ANKLE2: variants seen among roughly 807,000 people sequenced by gnomAD.
ANKLE2 encodes ankyrin repeat and LEM domain containing 2, also known as ankyrin repeat and LEM domain-containing protein 2.
ANKLE2 carries 55 observed loss-of-function variants against 84.2 expected under a neutral mutation model. That is an observed-to-expected ratio of 0.65 (90% CI 0.53 to 0.82). The LOEUF (loss-of-function observed/expected upper bound fraction) is 0.82, where lower values mean the gene tolerates loss of function less well. Ranked by LOEUF, ANKLE2 falls within the 40% of genes least tolerant of loss-of-function variation. The pLI is 0.00. For missense variants in ANKLE2, 1,238 were observed against 1,201.9 expected (o/e 1.03, Z -0.44); for synonymous variants, 551 against 486.1 (o/e 1.13, Z -1.76).
chr12:132,748,451 C>T, intron 3 of ANKLE2, 120 bp from the exon 4 acceptor site: 3 of 1,147,340 alleles, frequency 2.6e-6, no homozygotes, highest in Non-Finnish European at 3.7e-6. Context: ...AACTGGGAGG[C>T]ACAGGTGAGA....
intron 1 of ANKLE2, chr12:132,757,813 A>T (rs1367567752): frequency 6.7e-6 from 1 of 150,292 alleles, no homozygotes; most frequent in Non-Finnish European, 1.5e-5. Flanking sequence ...ACAGAGCGAG[A>T]CTCCGTCTCA....
chr12:132,733,158 T>G (rs1437153504), intron 10 of ANKLE2, among the ~76,000 whole-genome samples: 1 of 144,598 alleles, frequency 6.9e-6, no homozygotes. Context: ...GTGTCTGATA[T>G]GCACCGTGTG....
rs561906417 is a variant in ANKLE2, at chr12:132,726,438, A to C, written c.*804T>G. 6.6e-6 allele frequency: 1 copy of C among 152,332 alleles called. No individual in the cohort carries two copies. Among genetic ancestry groups the C allele is most frequent in the South Asian group, 2.1e-4 (1 of 4,824 alleles). The allele number at this position is 152,332 out of a possible 1,614,324, so 9.4% of individuals were successfully genotyped here. On this transcript the variant is annotated 3_prime_UTR_variant, in exon 13 of 13. Coordinates refer to ENST00000357997, the MANE Select transcript of ANKLE2 (RefSeq NM_015114.3). Reference sequence around the variant, plus strand: ...AAAGCCTCAGGATAAATTTGAAAACAGAACAATGTATAGACTGTATTACTG... The same window carrying C: ...AAAGCCTCAGGATAAATTTGAAAACCGAACAATGTATAGACTGTATTACTG...
At position 132,748,356 on chromosome 12, in the gene ANKLE2, G is replaced by C. The variant is rs756797322; in HGVS notation, c.848-25C>G. 6.2e-6 allele frequency: 10 copies of C among 1,612,968 alleles called. No individual in the cohort carries two copies. The African/African-American group carries it at 8.0e-5, about 13-fold the overall frequency. On this transcript the variant is annotated intron_variant, in intron 3 of 12. Coordinates refer to ENST00000357997, the MANE Select transcript of ANKLE2 (RefSeq NM_015114.3). ...TCTGTCAGTAAGAGACAGAATTTAA[G>C]AACAATCAGTTTCACCAAAAGTCAC... is the stretch of plus-strand genomic sequence containing the variant.
At chr12:132,757,976 C>T (rs1391122408) in intron 1 of ANKLE2, 2 of 149,194 alleles carry the variant, frequency 1.3e-5, no homozygotes, top group African/African-American at 5.0e-5. Flanking sequence ...AGAGCAAGAC[C>T]CCGTCTCCAA....
chr12:132,750,064 G>C (rs1024182384), intron 3 of ANKLE2, among the ~76,000 whole-genome samples: 2 of 151,962 alleles, frequency 1.3e-5, no homozygotes, highest in Admixed American at 1.3e-4. Context: ...CATTAGCCGG[G>C]TGTGGCAGTG....
At position 132,730,004 on chromosome 12, in the gene ANKLE2, G is replaced by T; in HGVS notation, c.2158C>A (p.Arg720Ser). 3.1e-6 allele frequency: 5 copies of T among 1,611,780 alleles called. No individual in the cohort carries two copies. The highest frequency in any genetic ancestry group is 3.4e-6 in the Non-Finnish European group (4 of 1,178,596). Reference sequence around the variant, plus strand: ...GGTGGCAGATGGGCTTCCTCCCCACGGGGGGCCTTTGGTCTCTTGCCCGCC... The same window carrying T: ...GGTGGCAGATGGGCTTCCTCCCCACTGGGGGCCTTTGGTCTCTTGCCCGCC... ...TLAGKRPKAP[R>S]GEEAHLPPVS... The change falls in exon 11 of 13, where the codon CGT (arginine) becomes AGT (serine). Residue 720 changes from arginine (R) to serine (S), a missense_variant. Around this residue, in one of 3 missense-constraint regions of ANKLE2, gnomAD observed 802 missense variants for 774.5 expected, o/e 1.04. Coordinates refer to ENST00000357997, the MANE Select transcript of ANKLE2 (RefSeq NM_015114.3).
chr12:132,748,607 C>A (rs982601442), intron 3 of ANKLE2, among the ~76,000 whole-genome samples: 1 of 152,224 alleles, frequency 6.6e-6, no homozygotes, highest in East Asian at 1.9e-4. Context: ...CGGCAGCCAG[C>A]GCGCCCCCAT....
intron 10 of ANKLE2, among the ~76,000 whole-genome samples, chr12:132,733,023 G>A (rs545039851): frequency 9.0e-5 from 8 of 89,176 alleles, no homozygotes; most frequent in Non-Finnish European, 1.8e-4. Flanking sequence ...TGTGTGAAGC[G>A]CTCTGCGTCC....
chr12:132,735,502 A>G lies in ANKLE2; in HGVS notation c.1604T>C (p.Phe535Ser). ...GPLSPAKAED[F>S]RKLWKTPPRE... ...AGGTGGAGTTTTCCAGAGCTTGCGA[A>G]AATCTTCTGCCTATGAAGAAAAAAA... is the stretch of plus-strand genomic sequence containing the variant. The change falls in exon 9 of 13, where the codon TTT becomes TCT. Residue 535 changes from phenylalanine to serine, a missense_variant. Phe to Ser is a radical substitution (Grantham distance 155, BLOSUM62 -2). Transcript: ENST00000357997. 6.2e-7 allele frequency: 1 copy of G among 1,612,644 alleles called. No individual in the cohort carries two copies. Among genetic ancestry groups the G allele is most frequent in the Non-Finnish European group, 8.5e-7 (1 of 1,179,618 alleles).
Position 132,743,550 on chromosome 12 carries a change from T to A in ANKLE2, c.1231-274A>T, listed in dbSNP as rs118160033. Among the ~76,000 whole-genome samples, 4,667 of 151,158 alleles carry A rather than the reference T, an allele frequency of 0.031. 106 individuals carry two copies. The highest frequency in any genetic ancestry group is 0.054 in the Middle Eastern group (16 of 294). On this transcript the variant is annotated intron_variant, in intron 5 of 12. Coordinates refer to ENST00000357997, the MANE Select transcript of ANKLE2 (RefSeq NM_015114.3). This position sits in a 1 kb window ranked among gnomAD's most constrained non-coding sequence, Gnocchi z 4.1. ...ATTTAGTAGAGATGGGGTTTCACCA[T>A]ATTGGTGAGACTGGTCTCGAACTCC... is the stretch of plus-strand genomic sequence containing the variant.
intron 9 of ANKLE2, 63 bp from the exon 10 acceptor site, chr12:132,734,638 G>A: frequency 1.3e-6 from 2 of 1,488,394 alleles, no homozygotes; most frequent in Non-Finnish European, 1.8e-6. Flanking sequence ...GAACTACACA[G>A]AAAAAAGCCA....
rs185739493 is a variant in ANKLE2 at position 132,728,108 on chromosome 12, C to T, written c.2539G>A (p.Val847Ile). The T allele has an allele frequency of 1.9e-4, 310 of 1,612,986 alleles. 1 individual carries two copies. In the East Asian group the frequency reaches 5.5e-3, roughly 28 times the overall value. Reference sequence around the variant, plus strand: ...ACGGCCGGGAACTGATGGGGGTCGACGTCTGCACATTCAAGAGCGGCCAAA... The same window carrying T: ...ACGGCCGGGAACTGATGGGGGTCGATGTCTGCACATTCAAGAGCGGCCAAA... ...DVLAALECAD[V>I]DPHQFPAVHR... Residue 847 changes from valine to isoleucine, a missense_variant, in exon 12 of 13, where the codon GTC becomes ATC. Val to Ile is a conservative substitution (Grantham distance 29). Around this residue, in one of 3 missense-constraint regions of ANKLE2, gnomAD observed 802 missense variants for 774.5 expected, o/e 1.04. Coordinates refer to ENST00000357997, the MANE Select transcript of ANKLE2 (RefSeq NM_015114.3).
At chr12:132,755,881 A>T (rs906395329) in intron 1 of ANKLE2, 3 of 148,778 alleles carry the variant, frequency 2.0e-5, no homozygotes, top group African/African-American at 7.5e-5. Flanking sequence ...TCGCTCTGTC[A>T]CCAGGCAGGC....
At position 132,734,587 on chromosome 12, in the gene ANKLE2, A is replaced by T. The variant is rs757994092; in HGVS notation, c.1701-12T>A. ...CATGAGCTAGCTCCCTGTAAGAAAC[A>T]AAACACAATTAACCAGCTGTGAAAC... On this transcript the variant is annotated splice_polypyrimidine_tract_variant and intron_variant, in intron 9 of 12. Coordinates refer to ENST00000357997, the MANE Select transcript of ANKLE2 (RefSeq NM_015114.3). The T allele has an allele frequency of 6.3e-7, 1 of 1,596,158 alleles. No individual in the cohort carries two copies. The highest frequency in any genetic ancestry group is 1.1e-5 in the South Asian group (1 of 88,496).
At chr12:132,732,946 C>T (rs558695204) in intron 10 of ANKLE2, among the ~76,000 whole-genome samples, 124 of 143,494 alleles carry the variant, frequency 8.6e-4, no homozygotes, top group Non-Finnish European at 1.6e-3. Context: ...CCGTGTGAAG[C>T]TCTCTGCGTC....
At position 132,743,662 on chromosome 12, in the gene ANKLE2, A is replaced by ATT. The variant is rs1486882045; in HGVS notation, c.1231-387_1231-386insAA. Among the ~76,000 whole-genome samples the ATT allele has an allele frequency of 4.0e-4, 61 of 151,162 alleles. No homozygotes were observed. Among genetic ancestry groups the ATT allele is most frequent in the African/African-American group, 1.4e-3 (58 of 41,234 alleles). On this transcript the variant is annotated intron_variant, in intron 5 of 12. Coordinates refer to ENST00000357997, the MANE Select transcript of ANKLE2 (RefSeq NM_015114.3). This position sits in a 1 kb window ranked among gnomAD's most constrained non-coding sequence, Gnocchi z 4.1. ...CCGAGCCTGGCTTATACTTTTTTAA[A>ATT]AAAAAAAAGACTCACAAACAAAAAG...
chr12:132,728,297 T>C, intron 11 of ANKLE2, 134 bp from the exon 12 acceptor site: 1 of 1,107,854 alleles, frequency 9.0e-7, no homozygotes, highest in Non-Finnish European at 1.3e-6. Flanking sequence ...TGGCGTGATC[T>C]CGGCTCATCG....
rs528479671 is a variant in ANKLE2 at position 132,732,930 on chromosome 12, T to C, written c.1891+1455A>G. Among the ~76,000 whole-genome samples the C allele has an allele frequency of 2.0e-3, 272 of 133,390 alleles. 2 individuals are homozygous for C. The highest frequency in any genetic ancestry group is 7.3e-3 in the African/African-American group (240 of 32,710). 87.5% of individuals were successfully genotyped at this position (133,390 alleles called of 152,430 possible). Reference sequence around the variant, plus strand: ...AAGCGCTCTGCATCCTGGTGTCTGATATGCACCGTGTGAAGCTCTCTGCGT... The same window carrying C: ...AAGCGCTCTGCATCCTGGTGTCTGACATGCACCGTGTGAAGCTCTCTGCGT... On this transcript the variant is annotated intron_variant, in intron 10 of 12. Transcript: ENST00000357997.
Sources: allele counts gnomAD v4.1 joint callset (sites outside exome capture counted in the v4.1 genomes callset), GRCh38; gene constraint gnomAD v4.1.1; regional missense constraint gnomAD v4.1.1; non-coding constraint Gnocchi (gnomAD v3.1); transcripts MANE v1.5; gene names NCBI Gene and HGNC (gene_info 2026-07-23, HGNC 2026-07-21).